Variants in SLC24A3 observed in about 807,000 individuals in gnomAD.
SLC24A3 encodes the protein solute carrier family 24 member 3, also known as sodium/potassium/calcium exchanger 3.
Under a neutral mutation model 75.8 loss-of-function variants are expected in SLC24A3, and 28 were observed. The ratio of observed to expected loss-of-function variants is 0.37; its 90% CI spans 0.27 to 0.51. The LOEUF (loss-of-function observed/expected upper bound fraction) is 0.51. Ranked by LOEUF, SLC24A3 falls within the 20% of genes least tolerant of loss-of-function variation. The pLI, the probability that SLC24A3 is intolerant of heterozygous loss-of-function variation, is 0.94. For missense variants in SLC24A3, 663 were observed against 847.8 expected (o/e 0.78, Z 2.71); for synonymous variants, 372 against 334.1 (o/e 1.11, Z -1.24).
At chr20:19,621,220 A>C (rs2031800148) in intron 6 of SLC24A3, among the ~76,000 whole-genome samples, 3 of 152,326 alleles carry the variant, frequency 2.0e-5, no homozygotes. Flanking sequence ...CTCTTTGTGC[A>C]GCAGTCATGC....
chr20:19,508,115 G>A (rs1487228253), intron 2 of SLC24A3, among the ~76,000 whole-genome samples: 1 of 152,196 alleles, frequency 6.6e-6, no homozygotes, highest in African/African-American at 2.4e-5. Flanking sequence ...GTGAGAAGCG[G>A]AGGAGGTACC....
chr20:19,264,387 C>A (rs1317404714), intron 1 of SLC24A3, among the ~76,000 whole-genome samples: 1 of 152,146 alleles, frequency 6.6e-6, no homozygotes. Flanking sequence ...TTGCCCCAAG[C>A]ATACGCTATG....
At chr20:19,601,319 A>C (rs2031524278) in intron 6 of SLC24A3, among the ~76,000 whole-genome samples, 1 of 152,182 alleles carries the variant, frequency 6.6e-6, no homozygotes, top group Non-Finnish European at 1.5e-5. Flanking sequence ...CAGCCTCTGC[A>C]GCTGCCCTCT....
chr20:19,349,622 G>A (rs1328223285), intron 2 of SLC24A3, among the ~76,000 whole-genome samples: 2 of 152,180 alleles, frequency 1.3e-5, no homozygotes, highest in African/African-American at 4.8e-5. Flanking sequence ...ATGGCTCTGA[G>A]GTGCATGCTC....
intron 6 of SLC24A3, among the ~76,000 whole-genome samples, chr20:19,611,959 C>T (rs2031676007): frequency 6.6e-6 from 1 of 152,176 alleles, no homozygotes; most frequent in Non-Finnish European, 1.5e-5. Flanking sequence ...CCCCTGCCTG[C>T]CCACCTTGGT....
At chr20:19,537,666 G>A (rs909585021) in intron 3 of SLC24A3, among the ~76,000 whole-genome samples, 1 of 152,074 alleles carries the variant, frequency 6.6e-6, no homozygotes, top group African/African-American at 2.4e-5. Flanking sequence ...AGAAAATGTG[G>A]CACATATACA....
chr20:19,536,359 T>G (rs1164277385), intron 3 of SLC24A3, among the ~76,000 whole-genome samples: 1 of 152,074 alleles, frequency 6.6e-6, no homozygotes, highest in Non-Finnish European at 1.5e-5. Flanking sequence ...AGGGGAAGAT[T>G]GGCTTTGGGA....
At chr20:19,696,592 C>T (rs904647711) in intron 13 of SLC24A3, 12 of 460,618 alleles carry the variant, frequency 2.6e-5, no homozygotes, top group Non-Finnish European at 3.9e-6. Context: ...AAGTTTGGGT[C>T]CTATTACAGC....
chr20:19,505,240 G>A lies in SLC24A3; in HGVS notation c.272-10248G>A, dbSNP rs911361174. On this transcript the variant is annotated intron_variant, in intron 2 of 16. Coordinates refer to ENST00000328041, the MANE Select transcript of SLC24A3 (RefSeq NM_020689.4). ...TTCTCATGATGTTGGATCAACTTCA[G>A]CATCATGAACAAGGAGCAAAGGCAG... 4.6e-5 allele frequency among the ~76,000 whole-genome samples: 7 copies of A among 152,282 alleles called. No homozygotes were observed. In the South Asian group the frequency reaches 1.5e-3, roughly 32 times the overall value.
At chr20:19,717,486 A>G (rs2033056499) in intron 15 of SLC24A3, 42 bp from the exon 16 acceptor site, 1 of 1,608,800 alleles carries the variant, frequency 6.2e-7, no homozygotes. Flanking sequence ...CTGCTTTGGA[A>G]GCCTAGCTTG....
intron 2 of SLC24A3, among the ~76,000 whole-genome samples, chr20:19,473,343 A>G (rs564677340): frequency 6.6e-6 from 1 of 152,330 alleles, no homozygotes; most frequent in East Asian, 1.9e-4. Flanking sequence ...GGTTTATGGA[A>G]TTGGCTAAGT....
chr20:19,455,438 A>T (rs753037228), intron 2 of SLC24A3, among the ~76,000 whole-genome samples: 7 of 152,192 alleles, frequency 4.6e-5, no homozygotes, highest in Non-Finnish European at 8.8e-5. Context: ...GGTCACCTGT[A>T]GATACTTTTC....
At chr20:19,501,133 G>C (rs1346732071) in intron 2 of SLC24A3, among the ~76,000 whole-genome samples, 1 of 152,170 alleles carries the variant, frequency 6.6e-6, no homozygotes, top group Non-Finnish European at 1.5e-5. Flanking sequence ...CTGAGGAGGA[G>C]CAAGAAGTAA....
intron 16 of SLC24A3, among the ~76,000 whole-genome samples, chr20:19,718,061 T>C (rs997772681): frequency 5.3e-5 from 8 of 152,248 alleles, no homozygotes; most frequent in Admixed American, 5.2e-4. Flanking sequence ...CTGTTGTGTT[T>C]GGAACAAGTT....
intron 2 of SLC24A3, among the ~76,000 whole-genome samples, chr20:19,467,222 T>C (rs1433389690): frequency 2.0e-5 from 3 of 152,208 alleles, no homozygotes; most frequent in East Asian, 1.9e-4. Flanking sequence ...GTAGTGGTGA[T>C]AGAGATAGAA....
At chr20:19,389,141 G>A (rs1434193909) in intron 2 of SLC24A3, among the ~76,000 whole-genome samples, 1 of 151,714 alleles carries the variant, frequency 6.6e-6, no homozygotes, top group East Asian at 1.9e-4. Flanking sequence ...CCCAAACTTT[G>A]TGTTATTAAT....
At chr20:19,554,278 ATAT>A (rs1257855792) in intron 3 of SLC24A3, among the ~76,000 whole-genome samples, 4 of 152,234 alleles carry the variant, frequency 2.6e-5, no homozygotes, top group Admixed American at 6.5e-5. Context: ...GTTAAATAAA[ATAT>A]TATTAACATT....
chr20:19,346,941 T>C lies in SLC24A3; in HGVS notation c.271+65854T>C, dbSNP rs541681046. Among the ~76,000 whole-genome samples, 122 of 152,234 alleles carry C rather than the reference T, an allele frequency of 8.0e-4. 1 individual carries two copies. The highest frequency in any genetic ancestry group is 2.9e-3 in the African/African-American group (119 of 41,546). On this transcript the variant is annotated intron_variant, in intron 2 of 16. Transcript: ENST00000328041. ...AAACAAATAGGCTAATAGAACAGGATAGACAGCCCCAAATTTGGAAGCAAC... is the reference window on the plus strand; with the variant it reads ...AAACAAATAGGCTAATAGAACAGGACAGACAGCCCCAAATTTGGAAGCAAC...
intron 2 of SLC24A3, among the ~76,000 whole-genome samples, chr20:19,504,304 A>G (rs1478503287): frequency 6.6e-6 from 1 of 152,194 alleles, no homozygotes; most frequent in East Asian, 1.9e-4. Flanking sequence ...ATAGAACCAT[A>G]AAGGTTACTT....
Sources: allele counts gnomAD v4.1 joint callset (sites outside exome capture counted in the v4.1 genomes callset), GRCh38; gene constraint gnomAD v4.1.1; transcripts MANE v1.5; gene names NCBI Gene and HGNC (gene_info 2026-07-23, HGNC 2026-07-21).